The following ABI1 variants were observed in gnomAD, a reference collection of about 807,000 sequenced individuals.
ABI1 encodes the protein abl interactor 1.
Under a neutral mutation model 54.6 loss-of-function variants are expected in ABI1, and 14 were observed. The ratio of observed to expected loss-of-function variants is 0.26; its 90% CI spans 0.17 to 0.40. The LOEUF (loss-of-function observed/expected upper bound fraction) is 0.40, where lower values mean the gene tolerates loss of function less well. Ranked by LOEUF, ABI1 falls within the 10% of genes least tolerant of loss-of-function variation. ABI1 has a pLI of 1.00. For missense variants in ABI1, 443 were observed against 598.3 expected, an observed-to-expected ratio of 0.74 and a Z score of 2.71; for synonymous variants, 194 against 209.3, an observed-to-expected ratio of 0.93 and a Z score of 0.63.
chr10:26,836,368 C>T lies in ABI1; in HGVS notation c.118-13063G>A, dbSNP rs142554397. ...CCTCAGGCAATCCACCTGCCTCAGC[C>T]TCCCAAAGTGCTGGGATTACAGACG... On this transcript the variant is annotated intron_variant, in intron 1 of 10. Coordinates refer to ENST00000376140, the MANE Select transcript of ABI1 (RefSeq NM_001012750.3). 2.0e-5 allele frequency among the ~76,000 whole-genome samples: 3 copies of T among 152,302 alleles called. No homozygotes were observed. The East Asian group carries it at 5.8e-4, about 29-fold the overall frequency.
At chr10:26,837,370 C>A (rs935795022) in intron 1 of ABI1, among the ~76,000 whole-genome samples, 1 of 152,120 alleles carries the variant, frequency 6.6e-6, no homozygotes, top group Non-Finnish European at 1.5e-5. Flanking sequence ...TCTATGGGAT[C>A]AGGGCTCCAG....
intron 9 of ABI1, among the ~76,000 whole-genome samples, chr10:26,755,395 T>C (rs1187433984): frequency 6.6e-6 from 1 of 152,200 alleles, no homozygotes; most frequent in Non-Finnish European, 1.5e-5. Context: ...TCCTTAAGAA[T>C]ATGTAAAGAT....
At chr10:26,796,204 GA>G (rs1203798241) in intron 2 of ABI1, among the ~76,000 whole-genome samples, 2 of 152,084 alleles carry the variant, frequency 1.3e-5, no homozygotes, top group Admixed American at 1.3e-4. Flanking sequence ...CAAAATAGCA[GA>G]TATTCAGAAT....
chr10:26,835,101 A>AC (rs201845216), intron 1 of ABI1, among the ~76,000 whole-genome samples: 3,065 of 124,592 alleles, frequency 0.025, 122 homozygotes, highest in Non-Finnish European at 0.036. Context: ...AAAAAAAAAA[A>AC]AAAAAAAAAA....
At chr10:26,816,177 G>C (rs2047551319) in intron 2 of ABI1, among the ~76,000 whole-genome samples, 3 of 151,998 alleles carry the variant, frequency 2.0e-5, no homozygotes, top group African/African-American at 7.3e-5. Context: ...TACAAAACTG[G>C]GTATCAAAGA....
chr10:26,746,802 T>C lies in ABI1; in HGVS notation c.*1768A>G. ...ATAACCAATGTTAAAATTCAAATGG[T>C]TTGTCTTGATTTACCGTAGGAGTAA... On this transcript the variant is annotated 3_prime_UTR_variant, in exon 11 of 11. Transcript: ENST00000376140. The C allele has an allele frequency of 2.5e-6, 1 of 398,918 alleles. No individual in the cohort carries two copies. Among genetic ancestry groups the C allele is most frequent in the Non-Finnish European group, 4.7e-6 (1 of 213,062 alleles). The allele number at this position is 398,918 out of a possible 1,614,324, so 24.7% of individuals were successfully genotyped here.
chr10:26,842,053 T>C (rs574476457), intron 1 of ABI1, among the ~76,000 whole-genome samples: 1 of 152,180 alleles, frequency 6.6e-6, no homozygotes, highest in Non-Finnish European at 1.5e-5. Context: ...CCACCAACAG[T>C]GTACAAGGGG....
intron 1 of ABI1, among the ~76,000 whole-genome samples, chr10:26,854,452 G>GAA (rs60327303): frequency 9.8e-5 from 13 of 132,382 alleles, no homozygotes; most frequent in South Asian, 4.6e-4. Flanking sequence ...TGTGAAAGAA[G>GAA]AAAAAAAAAA....
At chr10:26,859,345 C>T (rs1211249558) in intron 1 of ABI1, among the ~76,000 whole-genome samples, 6 of 152,204 alleles carry the variant, frequency 3.9e-5, no homozygotes, top group Non-Finnish European at 8.8e-5. Flanking sequence ...AAAACAGCAT[C>T]TCCCTCTAAA....
chr10:26,765,304 C>A lies in ABI1; in HGVS notation c.734G>T (p.Gly245Val). Reference sequence around the variant, plus strand: ...ACCACTGTTTTCTCGACTTCCACTTCCTCCACTACTTCCACTGAAAAGAAA... The same window carrying A: ...ACCACTGTTTTCTCGACTTCCACTTACTCCACTACTTCCACTGAAAAGAAA... ...RPRTHSGSSG[G>V]SGSRENSGSS... is the part of the protein sequence containing the mutation. The change falls in exon 7 of 11, where the codon GGA becomes GTA. Residue 245 changes from glycine (G) to valine (V), a missense_variant. Physicochemically the swap from Gly to Val is moderately radical, Grantham distance 109. This residue lies in a region of ABI1 where 394 missense variants were observed against 484.8 expected (regional missense o/e 0.81). Coordinates refer to ENST00000376140, the MANE Select transcript of ABI1 (RefSeq NM_001012750.3). 6.3e-7 allele frequency: 1 copy of A among 1,587,192 alleles called. No individual in the cohort carries two copies. The highest frequency in any genetic ancestry group is 8.5e-7 in the Non-Finnish European group (1 of 1,172,558).
In ABI1 at chr10:26,769,000, A is replaced by G; in HGVS notation, c.579-8T>C. The G allele has an allele frequency of 6.4e-7, 1 of 1,567,260 alleles. No homozygotes were observed. The highest frequency in any genetic ancestry group is 8.6e-7 in the Non-Finnish European group (1 of 1,160,078). ...TTATAAGGAGTATTCCGTCTAAAGG[A>G]GCATAGTGGAGAAAGGAATAATGAA... On this transcript the variant is annotated splice_region_variant and splice_polypyrimidine_tract_variant and intron_variant, in intron 5 of 10. Transcript: ENST00000376140.
At chr10:26,811,087 C>T (rs1412247911) in intron 2 of ABI1, among the ~76,000 whole-genome samples, 2 of 152,058 alleles carry the variant, frequency 1.3e-5, no homozygotes, top group African/African-American at 4.8e-5. Flanking sequence ...CTGCAATTAA[C>T]ATGAAGTAAC....
intron 7 of ABI1, among the ~76,000 whole-genome samples, chr10:26,761,659 T>TAC (rs1165253777): frequency 3.7e-3 from 325 of 88,090 alleles, no homozygotes; most frequent in East Asian, 0.012. Flanking sequence ...TATATATATA[T>TAC]ATACACACAC....
At chr10:26,761,661 TACAC>T (rs1554806654) in intron 7 of ABI1, among the ~76,000 whole-genome samples, 6 of 78,930 alleles carry the variant, frequency 7.6e-5, no homozygotes, top group Non-Finnish European at 1.2e-4. Context: ...TATATATATA[TACAC>T]ACACACATAC....
chr10:26,846,514 T>C (rs111403304), intron 1 of ABI1, among the ~76,000 whole-genome samples: 33 of 152,020 alleles, frequency 2.2e-4, no homozygotes, highest in African/African-American at 8.0e-4. Context: ...GGCTAATGTT[T>C]GTATTTTTAG....
At chr10:26,789,262 A>G (rs1224168594) in intron 2 of ABI1, 1 of 152,240 alleles carries the variant, frequency 6.6e-6, no homozygotes, top group East Asian at 1.9e-4. Context: ...CAATAAATGA[A>G]GACCATGCTT....
At chr10:26,851,554 T>C in intron 1 of ABI1, among the ~76,000 whole-genome samples, 1 of 152,038 alleles carries the variant, frequency 6.6e-6, no homozygotes, top group Middle Eastern at 3.4e-3. Flanking sequence ...TAGATGAGTA[T>C]ATGAAGTCAA....
At chr10:26,848,914 T>A (rs1260105774) in intron 1 of ABI1, among the ~76,000 whole-genome samples, 1 of 152,156 alleles carries the variant, frequency 6.6e-6, no homozygotes, top group Non-Finnish European at 1.5e-5. Context: ...CGGCCAAGAC[T>A]TTCTCCATAA....
intron 3 of ABI1, among the ~76,000 whole-genome samples, chr10:26,775,580 T>C (rs535412682): frequency 4.7e-4 from 72 of 152,178 alleles, no homozygotes; most frequent in Non-Finnish European, 9.7e-4. Flanking sequence ...ACTTTCAGCA[T>C]ATATTATGCT....
Sources: allele counts gnomAD v4.1 joint callset (sites outside exome capture counted in the v4.1 genomes callset), GRCh38; gene constraint gnomAD v4.1.1; regional missense constraint gnomAD v4.1.1; transcripts MANE v1.5; gene names NCBI Gene and HGNC (gene_info 2026-07-23, HGNC 2026-07-21).